ECSCR: variants seen among roughly 807,000 people sequenced by gnomAD.
The protein encoded by ECSCR is endothelial cell surface expressed chemotaxis and apoptosis regulator.
In ECSCR, 12 loss-of-function variants were observed where a neutral mutation model predicts 16.7. That is an observed-to-expected ratio of 0.72 (90% CI 0.46 to 1.17). ECSCR has a LOEUF of 1.17. Among genes scored for constraint, ECSCR ranks in the 50% most tolerant of loss-of-function variants. The pLI, the probability that ECSCR is intolerant of heterozygous loss-of-function variation, is 0.00. For synonymous variants in ECSCR, 44 were observed against 42.2 expected, an observed-to-expected ratio of 1.04 and a Z score of -0.17; for missense variants, 122 against 116.1, an observed-to-expected ratio of 1.05 and a Z score of -0.23.
chr5:139,457,514 G>C, intron 4 of ECSCR, 31 bp downstream of exon 4: 1 of 781,578 alleles, frequency 1.3e-6, no homozygotes, highest in Middle Eastern at 2.3e-4. Flanking sequence ...GCCCTCCCTG[G>C]ATGGCATTTG....
In ECSCR at chr5:139,455,557, C is replaced by T. The variant is rs973742972; in HGVS notation, c.263-121G>A. On this transcript the variant is annotated intron_variant, in intron 5 of 9. Transcript: ENST00000618155. ...AATTTATGCTGCAGAGCTAGGAGGT[C>T]AGACTGGGCAAAATAGAGCTGTCTG... 221 of 386,404 alleles carry T rather than the reference C, an allele frequency of 5.7e-4. 2 individuals carry two copies. The highest frequency in any genetic ancestry group is 4.3e-3 in the African/African-American group (208 of 48,462). 23.9% of individuals were successfully genotyped at this position (386,404 alleles called of 1,614,324 possible).
At chr5:139,462,138 C>T (rs1036746420) in intron 1 of ECSCR, among the ~76,000 whole-genome samples, 2 of 152,170 alleles carry the variant, frequency 1.3e-5, no homozygotes, top group African/African-American at 4.8e-5. Flanking sequence ...TTAAAATCTA[C>T]ATTAGGAATT....
In ECSCR at chr5:139,448,854, A is replaced by G. The variant is rs755915661; in HGVS notation, c.*46T>C. 1.3e-6 allele frequency: 2 copies of G among 1,535,478 alleles called. No individual in the cohort carries two copies. Among genetic ancestry groups the G allele is most frequent in the Non-Finnish European group, 1.7e-6 (2 of 1,146,438 alleles). On this transcript the variant is annotated 3_prime_UTR_variant, in exon 10 of 10. Transcript: ENST00000618155. ...TCCATCTCTTCCTCCTTGTAGTCAC[A>G]GGGCAGCTGCATCATCCTTGGACTC... is the stretch of plus-strand genomic sequence containing the variant.
chr5:139,458,405 G>T (rs555138504), intron 1 of ECSCR, among the ~76,000 whole-genome samples: 1 of 146,898 alleles, frequency 6.8e-6, no homozygotes, highest in Admixed American at 6.9e-5. Flanking sequence ...GAGGTGGCAG[G>T]ATTGCTTGAG....
intron 6 of ECSCR, 140 bp downstream of exon 6, chr5:139,455,183 C>T (rs2152089077): frequency 1.3e-5 from 3 of 236,944 alleles, no homozygotes; most frequent in East Asian, 9.0e-5. Context: ...AGGGGCCCCC[C>T]TCCACAAGGG....
intron 1 of ECSCR, among the ~76,000 whole-genome samples, chr5:139,458,500 C>CAAAAAAAA (rs397882364): frequency 8.9e-4 from 76 of 85,352 alleles, no homozygotes; most frequent in East Asian, 1.7e-3. Flanking sequence ...CCTATCTCAA[C>CAAAAAAAA]AAAAAAAAAA....
chr5:139,462,378 G>T (rs1282842559), intron 1 of ECSCR, among the ~76,000 whole-genome samples: 1 of 152,156 alleles, frequency 6.6e-6, no homozygotes, highest in African/African-American at 2.4e-5. Flanking sequence ...TTTATGGGGA[G>T]CCCAGCTCCC....
intron 6 of ECSCR, 60 bp from the exon 7 acceptor site, chr5:139,454,983 G>C (rs2152089047): frequency 2.5e-6 from 1 of 398,776 alleles, no homozygotes; most frequent in East Asian, 3.6e-5. Flanking sequence ...GGGCCAACAA[G>C]AGTCCGGCAT....
At chr5:139,461,217 A>T (rs1246486312) in intron 1 of ECSCR, among the ~76,000 whole-genome samples, 2 of 152,214 alleles carry the variant, frequency 1.3e-5, no homozygotes, top group African/African-American at 4.8e-5. Flanking sequence ...GTTGTGAAGG[A>T]AGGAAAATGC....
At chr5:139,458,500 CAAAAAAAAAAAAAAAAAAAAA>C (rs397882364) in intron 1 of ECSCR, among the ~76,000 whole-genome samples, 32 of 85,356 alleles carry the variant, frequency 3.7e-4, no homozygotes, top group African/African-American at 2.0e-3. Context: ...CCTATCTCAA[CAAAAAAAAAAAAAAAAAAAAA>C]AAAAAAAAAA....
At chr5:139,451,123 T>C (rs1351081812) in intron 8 of ECSCR, among the ~76,000 whole-genome samples, 1 of 150,826 alleles carries the variant, frequency 6.6e-6, no homozygotes, top group East Asian at 2.0e-4. Flanking sequence ...ATATGTGTGG[T>C]ATGGGGTATG....
At chr5:139,454,162 G>T (rs1325819324) in intron 8 of ECSCR, among the ~76,000 whole-genome samples, 3 of 144,882 alleles carry the variant, frequency 2.1e-5, no homozygotes, top group Non-Finnish European at 4.6e-5. Flanking sequence ...TGTGTGTGTG[G>T]TGTGTGGGTA....
At chr5:139,462,542 G>A in intron 1 of ECSCR, 68 bp downstream of exon 1, 1 of 1,473,762 alleles carries the variant, frequency 6.8e-7, no homozygotes, top group Non-Finnish European at 9.3e-7. Context: ...TCCTGAGAAA[G>A]AGACCGATGC....
At chr5:139,449,459 T>C (rs148267828) in intron 8 of ECSCR, among the ~76,000 whole-genome samples, 2,828 of 152,234 alleles carry the variant, frequency 0.019, 93 homozygotes, top group African/African-American at 0.065. Context: ...TGCCTCAGCC[T>C]CCTGAGTAGC....
chr5:139,451,159 T>C (rs1368562937), intron 8 of ECSCR, among the ~76,000 whole-genome samples: 1 of 150,466 alleles, frequency 6.6e-6, no homozygotes, highest in Non-Finnish European at 1.5e-5. Flanking sequence ...TGTGTGTGTG[T>C]GTGGTGTAAT....
At chr5:139,462,362 C>T (rs1300370640) in intron 1 of ECSCR, among the ~76,000 whole-genome samples, 1 of 152,176 alleles carries the variant, frequency 6.6e-6, no homozygotes, top group Non-Finnish European at 1.5e-5. Context: ...ATTCAGGAGG[C>T]CAGCCTTTAT....
At chr5:139,459,063 T>G (rs1751234055) in intron 1 of ECSCR, among the ~76,000 whole-genome samples, 2 of 152,156 alleles carry the variant, frequency 1.3e-5, no homozygotes, top group South Asian at 4.2e-4. Flanking sequence ...GACATGGGCA[T>G]TTTACCAACC....
At position 139,458,190 on chromosome 5, in the gene ECSCR, G is replaced by C; in HGVS notation, c.62-7C>G. 6.5e-7 allele frequency: 1 copy of C among 1,549,696 alleles called. No individual in the cohort carries two copies. Among genetic ancestry groups the C allele is most frequent in the South Asian group, 1.2e-5 (1 of 83,978 alleles). ...GTGGGCTGGGAGTTGTGGCCTGCAAGAGAAAGCAAAACACATAGCTTGGTA... is the reference window on the plus strand; with the variant it reads ...GTGGGCTGGGAGTTGTGGCCTGCAACAGAAAGCAAAACACATAGCTTGGTA... On this transcript the variant is annotated splice_region_variant and splice_polypyrimidine_tract_variant and intron_variant, in intron 1 of 9. Transcript: ENST00000618155.
intron 1 of ECSCR, among the ~76,000 whole-genome samples, chr5:139,460,814 A>G (rs1432004431): frequency 6.6e-6 from 1 of 151,898 alleles, no homozygotes; most frequent in African/African-American, 2.4e-5. Flanking sequence ...CTATCTCCAC[A>G]CACACCCCTC....
Sources: allele counts gnomAD v4.1 joint callset (sites outside exome capture counted in the v4.1 genomes callset), GRCh38; gene constraint gnomAD v4.1.1; transcripts MANE v1.5; gene names NCBI Gene and HGNC (gene_info 2026-07-23, HGNC 2026-07-21).